BCAS1: variants seen among roughly 807,000 people sequenced by gnomAD.
BCAS1 encodes breast carcinoma-amplified sequence 1.
BCAS1 carries 46 observed loss-of-function variants against 65.4 expected under a neutral mutation model. That is an observed-to-expected ratio of 0.70 (90% confidence interval 0.55 to 0.90). The LOEUF (loss-of-function observed/expected upper bound fraction) is 0.90, where lower values mean the gene tolerates loss of function less well. BCAS1 is among the 40% of genes least tolerant of loss of function. BCAS1 has a pLI of 0.00. For missense variants in BCAS1, 793 were observed against 771.2 expected (o/e 1.03, Z -0.33); for synonymous variants, 298 against 293.5 (o/e 1.02, Z -0.16).
intron 3 of BCAS1, among the ~76,000 whole-genome samples, chr20:54,046,311 C>T (rs377304534): frequency 1.6e-4 from 24 of 151,932 alleles, no homozygotes; most frequent in African/African-American, 5.5e-4. Flanking sequence ...GGGTGGATCA[C>T]GAGGTCAGGA....
intron 3 of BCAS1, among the ~76,000 whole-genome samples, chr20:54,054,239 T>G (rs1384028420): frequency 6.6e-6 from 1 of 152,150 alleles, no homozygotes; most frequent in Non-Finnish European, 1.5e-5. Flanking sequence ...GAGATTTGGG[T>G]GGGGACAGAG....
chr20:54,010,729 TG>T (rs752558024), intron 4 of BCAS1, among the ~76,000 whole-genome samples: 6 of 152,336 alleles, frequency 3.9e-5, no homozygotes, highest in Non-Finnish European at 5.9e-5. Flanking sequence ...CAAGACATTT[TG>T]TAGAGATAGA....
chr20:54,002,688 C>CT (rs74179256), intron 4 of BCAS1, among the ~76,000 whole-genome samples: 25,318 of 152,074 alleles, frequency 0.17, 2,379 homozygotes, highest in East Asian at 0.28. Flanking sequence ...TGTAGCAGAT[C>CT]TTTTTATATT....
chr20:54,029,977 C>T (rs969393218), intron 3 of BCAS1, among the ~76,000 whole-genome samples: 1 of 152,176 alleles, frequency 6.6e-6, no homozygotes, highest in East Asian at 1.9e-4. Context: ...GAGCAGATAT[C>T]CACACAAGAA....
intron 4 of BCAS1, among the ~76,000 whole-genome samples, chr20:54,005,485 C>T (rs1212906832): frequency 6.6e-6 from 1 of 152,096 alleles, no homozygotes; most frequent in Non-Finnish European, 1.5e-5. Flanking sequence ...AAGACCCTGT[C>T]TCAAGATAAA....
chr20:54,068,698 G>A (rs563397821), intron 1 of BCAS1, among the ~76,000 whole-genome samples: 27 of 152,222 alleles, frequency 1.8e-4, no homozygotes, highest in African/African-American at 6.5e-4. Context: ...CAGTCAGAAA[G>A]CTACGGGGAG....
At chr20:54,011,028 G>A (rs1244290667) in intron 4 of BCAS1, among the ~76,000 whole-genome samples, 2 of 152,114 alleles carry the variant, frequency 1.3e-5, no homozygotes, top group Non-Finnish European at 2.9e-5. Context: ...GACATCTATA[G>A]AGGAAAAGAA....
chr20:53,962,901 A>G (rs1291010228), intron 10 of BCAS1, among the ~76,000 whole-genome samples: 1 of 151,998 alleles, frequency 6.6e-6, no homozygotes, highest in Non-Finnish European at 1.5e-5. Context: ...CCCAGGCTGG[A>G]GTGCAGTGGC....
intron 4 of BCAS1, among the ~76,000 whole-genome samples, chr20:54,003,893 C>T (rs1040621153): frequency 1.3e-5 from 2 of 152,190 alleles, no homozygotes; most frequent in African/African-American, 4.8e-5. Flanking sequence ...AAAACTAACT[C>T]TGAGGTATAA....
intron 4 of BCAS1, among the ~76,000 whole-genome samples, chr20:54,003,850 T>A (rs2091119003): frequency 6.6e-6 from 1 of 152,232 alleles, no homozygotes; most frequent in African/African-American, 2.4e-5. Context: ...ATGTACTTTT[T>A]AAAAACAGGT....
chr20:54,061,805 C>A (rs6123346), intron 1 of BCAS1, among the ~76,000 whole-genome samples: 21,148 of 152,202 alleles, frequency 0.14, 1,943 homozygotes, highest in East Asian at 0.32. Context: ...CACACACTTG[C>A]ATCAGATCAT....
chr20:54,034,339 A>G (rs2091858291), intron 3 of BCAS1, among the ~76,000 whole-genome samples: 1 of 151,406 alleles, frequency 6.6e-6, no homozygotes, highest in Non-Finnish European at 1.5e-5. Flanking sequence ...GAGGAAGTCA[A>G]ACTATCCTTG....
intron 3 of BCAS1, among the ~76,000 whole-genome samples, chr20:54,044,463 G>C (rs949141948): frequency 1.3e-5 from 2 of 152,188 alleles, no homozygotes; most frequent in African/African-American, 4.8e-5. Flanking sequence ...TGTGTCCAGA[G>C]TATCTGTCAT....
At chr20:53,991,526 A>G (rs571477887) in intron 7 of BCAS1, among the ~76,000 whole-genome samples, 1 of 152,284 alleles carries the variant, frequency 6.6e-6, no homozygotes, top group East Asian at 1.9e-4. Flanking sequence ...ACAAATTTTC[A>G]AGCATGCTAA....
chr20:53,976,564 T>C (rs972723929), intron 8 of BCAS1, among the ~76,000 whole-genome samples: 3 of 152,218 alleles, frequency 2.0e-5, no homozygotes, highest in African/African-American at 7.2e-5. Context: ...TGATCCTAAC[T>C]TACAGAGTAA....
chr20:53,987,788 G>T (rs1394088095), intron 7 of BCAS1, among the ~76,000 whole-genome samples: 1 of 152,190 alleles, frequency 6.6e-6, no homozygotes, highest in African/African-American at 2.4e-5. Flanking sequence ...AGACTTCACT[G>T]AGAAAAGGAT....
intron 9 of BCAS1, among the ~76,000 whole-genome samples, chr20:53,973,899 T>C (rs982866540): frequency 4.6e-5 from 7 of 152,182 alleles, no homozygotes; most frequent in African/African-American, 1.4e-4. Flanking sequence ...GAGTGGAGAC[T>C]TGGAGAACTT....
At chr20:54,041,716 T>A (rs143064011) in intron 3 of BCAS1, among the ~76,000 whole-genome samples, 2 of 151,876 alleles carry the variant, frequency 1.3e-5, no homozygotes, top group East Asian at 3.9e-4. Context: ...ACACTGTCTC[T>A]GCTAAAAAAC....
intron 10 of BCAS1, among the ~76,000 whole-genome samples, chr20:53,959,358 A>C (rs1348851482): frequency 1.3e-5 from 2 of 151,940 alleles, no homozygotes; most frequent in Non-Finnish European, 2.9e-5. Context: ...GGTTCAAGAA[A>C]TTCTCCTGCT....
Sources: allele counts gnomAD v4.1 joint callset (sites outside exome capture counted in the v4.1 genomes callset), GRCh38; gene constraint gnomAD v4.1.1; transcripts MANE v1.5; gene names NCBI Gene and HGNC (gene_info 2026-07-23, HGNC 2026-07-21).